PRKAA1: variants seen among roughly 807,000 people sequenced by gnomAD.
PRKAA1 encodes protein kinase AMP-activated catalytic subunit alpha 1.
A neutral mutation model predicts 56.9 loss-of-function variants in PRKAA1; 23 were observed. That is an observed-to-expected ratio of 0.40 (90% CI 0.29 to 0.57). The LOEUF (loss-of-function observed/expected upper bound fraction) is 0.57. Ranked by LOEUF, PRKAA1 falls within the 20% of genes least tolerant of loss-of-function variation. The pLI is 0.39. For missense variants in PRKAA1, 413 were observed against 679.7 expected (o/e 0.61, Z 4.36); for synonymous variants, 226 against 227.0 (o/e 1.00, Z 0.04).
intron 1 of PRKAA1, 129 bp downstream of exon 1, chr5:40,797,934 A>T: frequency 7.6e-7 from 1 of 1,318,952 alleles, no homozygotes. Context: ...CTCCCGCAGG[A>T]TCCGGGACAG....
chr5:40,786,178 C>T (rs1370121244), intron 1 of PRKAA1, among the ~76,000 whole-genome samples: 1 of 151,832 alleles, frequency 6.6e-6, no homozygotes. Context: ...TCACTTGAAC[C>T]CAGGAGGCGG....
rs765843695 is a variant in PRKAA1 at position 40,798,118 on chromosome 5, G to T, written c.72C>A (p.Ile24=). The T allele has an allele frequency of 9.3e-6, 15 of 1,605,816 alleles. No homozygotes were observed. Among genetic ancestry groups the T allele is most frequent in the Non-Finnish European group, 1.2e-5 (14 of 1,175,400 alleles). The part of the protein sequence containing the change: ...EKQKHDGRVK[I]GHYILGDTLG... ...GCGTGTCACCCAGAATGTAGTGGCC[G>T]ATCTTCACCCGCCCGTCGTGTTTCT... Residue 24 remains isoleucine (I), a synonymous_variant, in exon 1 of 9, where the codon ATC becomes ATA. Coordinates refer to ENST00000397128, the MANE Select transcript of PRKAA1 (RefSeq NM_006251.6).
rs144746880 is a variant in PRKAA1, at chr5:40,763,817, CTG to C, written c.1435+695_1435+696del. Among the ~76,000 whole-genome samples, 1,480 of 152,258 alleles carry C rather than the reference CTG, an allele frequency of 9.7e-3. 17 individuals are homozygous for C. The highest frequency in any genetic ancestry group is 0.033 in the African/African-American group (1,379 of 41,540). On this transcript the variant is annotated intron_variant, in intron 8 of 8. Coordinates refer to ENST00000397128, the MANE Select transcript of PRKAA1 (RefSeq NM_006251.6). The stretch of plus-strand genomic sequence containing the variant: ...TTGGCCAACATATCATGGCTCAAAC[CTG>C]TGTCTTTCTGCTACTATGTGTGTAC...
intron 1 of PRKAA1, among the ~76,000 whole-genome samples, chr5:40,783,420 C>A (rs1744343167): frequency 6.6e-6 from 1 of 151,854 alleles, no homozygotes; most frequent in African/African-American, 2.4e-5. Flanking sequence ...CACTGTGATC[C>A]TTTTTGAATT....
intron 1 of PRKAA1, among the ~76,000 whole-genome samples, chr5:40,792,204 T>C (rs980644876): frequency 1.3e-5 from 2 of 152,232 alleles, no homozygotes; most frequent in Non-Finnish European, 2.9e-5. Flanking sequence ...ACATAAGTGG[T>C]AGGCATATTG....
intron 1 of PRKAA1, among the ~76,000 whole-genome samples, 173 bp from the exon 2 acceptor site, chr5:40,777,759 C>T (rs929400450): frequency 2.6e-5 from 4 of 151,048 alleles, no homozygotes; most frequent in Admixed American, 1.3e-4. Flanking sequence ...CATGGCAAAA[C>T]CCCATCTCTA....
At chr5:40,771,458 C>T (rs1268317015) in intron 4 of PRKAA1, among the ~76,000 whole-genome samples, 3 of 152,194 alleles carry the variant, frequency 2.0e-5, no homozygotes, top group African/African-American at 2.4e-5. Context: ...GCTATGATCA[C>T]GTCGCTGCCC....
intron 1 of PRKAA1, among the ~76,000 whole-genome samples, chr5:40,793,963 G>A (rs762659803): frequency 5.3e-5 from 8 of 152,106 alleles, no homozygotes; most frequent in South Asian, 4.1e-4. Context: ...TTAGCAGGAC[G>A]TGGTGGCACA....
At chr5:40,779,639 T>C (rs981412677) in intron 1 of PRKAA1, among the ~76,000 whole-genome samples, 2 of 152,146 alleles carry the variant, frequency 1.3e-5, no homozygotes, top group African/African-American at 4.8e-5. Flanking sequence ...ACTGCGGTCA[T>C]CTGAAATACC....
intron 1 of PRKAA1, among the ~76,000 whole-genome samples, chr5:40,791,031 G>C (rs115140914): frequency 0.011 from 1,716 of 152,276 alleles, 16 homozygotes; most frequent in Non-Finnish European, 0.014. Flanking sequence ...CGACTCCCAA[G>C]TCTTTTGACC....
At chr5:40,785,289 G>T (rs1744419330) in intron 1 of PRKAA1, among the ~76,000 whole-genome samples, 1 of 151,846 alleles carries the variant, frequency 6.6e-6, no homozygotes, top group Admixed American at 6.6e-5. Context: ...GCCCAGGCTG[G>T]AGTGCAATGG....
chr5:40,770,637 C>T (rs2112009680), intron 4 of PRKAA1, among the ~76,000 whole-genome samples: 2 of 138,604 alleles, frequency 1.4e-5, no homozygotes, highest in East Asian at 4.2e-4. Flanking sequence ...CTCACTCCGT[C>T]GCCCAGGCCG....
chr5:40,771,568 T>G, intron 4 of PRKAA1, 151 bp downstream of exon 4: 1 of 701,378 alleles, frequency 1.4e-6, no homozygotes, highest in Non-Finnish European at 2.2e-6. Flanking sequence ...TTCTTCTTTT[T>G]GTATCTTCAT....
At chr5:40,790,664 C>G (rs573813090) in intron 1 of PRKAA1, among the ~76,000 whole-genome samples, 5 of 152,104 alleles carry the variant, frequency 3.3e-5, no homozygotes, top group Non-Finnish European at 5.9e-5. Flanking sequence ...CTCAGCCTCC[C>G]GAGTAGCTGG....
intron 1 of PRKAA1, among the ~76,000 whole-genome samples, chr5:40,781,367 G>A (rs1744258377): frequency 1.3e-5 from 2 of 152,060 alleles, no homozygotes; most frequent in Non-Finnish European, 2.9e-5. Flanking sequence ...ACCTACTGGA[G>A]AATATATATT....
chr5:40,784,368 G>A (rs899596530), intron 1 of PRKAA1, among the ~76,000 whole-genome samples: 9 of 151,900 alleles, frequency 5.9e-5, no homozygotes, highest in African/African-American at 1.5e-4. Context: ...CCTCCAACCC[G>A]CTCCACCACT....
At chr5:40,797,267 A>G (rs150701879) in intron 1 of PRKAA1, among the ~76,000 whole-genome samples, 3 of 152,232 alleles carry the variant, frequency 2.0e-5, no homozygotes, top group African/African-American at 7.2e-5. Context: ...GTTTATTAGA[A>G]TACAAATAAC....
At chr5:40,766,839 A>G (rs1743458011) in intron 6 of PRKAA1, among the ~76,000 whole-genome samples, 1 of 151,936 alleles carries the variant, frequency 6.6e-6, no homozygotes, top group Admixed American at 6.6e-5. Flanking sequence ...ACTACAAACA[A>G]AAACAAAAAG....
intron 1 of PRKAA1, among the ~76,000 whole-genome samples, chr5:40,792,179 G>A (rs779678356): frequency 6.6e-6 from 1 of 151,980 alleles, no homozygotes; most frequent in Non-Finnish European, 1.5e-5. Context: ...ATACAGATTT[G>A]CCCCTGCCTT....
Sources: gnomAD v4.1 joint callset for allele counts (sites outside exome capture counted in the v4.1 genomes callset) on GRCh38, gnomAD v4.1.1 for gene constraint, MANE v1.5 for transcripts, NCBI Gene and HGNC (gene_info 2026-07-23, HGNC 2026-07-21) for gene names.